Variants in PDZRN3 observed in about 807,000 individuals in gnomAD.
PDZRN3 encodes the protein PDZ domain containing ring finger 3.
PDZRN3 carries 38 observed loss-of-function variants against 85.7 expected under a neutral mutation model. The ratio of observed to expected loss-of-function variants is 0.44; its 90% CI spans 0.34 to 0.58. The LOEUF (loss-of-function observed/expected upper bound fraction) is 0.58, where lower values mean the gene tolerates loss of function less well. PDZRN3 is among the 20% of genes least tolerant of loss of function. The pLI, the probability that PDZRN3 is intolerant of heterozygous loss-of-function variation, is 0.01. For synonymous variants in PDZRN3, 759 were observed against 638.0 expected, an observed-to-expected ratio of 1.19 and a Z score of -2.86; for missense variants, 1,629 against 1,506.4, an observed-to-expected ratio of 1.08 and a Z score of -1.35.
chr3:73,570,495 C>T (rs1702029949), intron 3 of PDZRN3, among the ~76,000 whole-genome samples: 1 of 152,112 alleles, frequency 6.6e-6, no homozygotes, highest in Admixed American at 6.5e-5. Flanking sequence ...CTGACATATC[C>T]CCAGATATGT....
intron 4 of PDZRN3, among the ~76,000 whole-genome samples, chr3:73,402,897 T>G (rs1245911892): frequency 1.3e-5 from 2 of 150,228 alleles, no homozygotes; most frequent in Non-Finnish European, 3.0e-5. Flanking sequence ...TAACATCAGC[T>G]GGAGAGGCTG....
intron 3 of PDZRN3, among the ~76,000 whole-genome samples, chr3:73,501,411 G>A (rs1382635707): frequency 1.3e-5 from 2 of 152,082 alleles, no homozygotes. Flanking sequence ...CTCTCCAACA[G>A]GGCACATCCA....
chr3:73,499,492 A>G (rs1703933509), intron 3 of PDZRN3, among the ~76,000 whole-genome samples: 1 of 152,114 alleles, frequency 6.6e-6, no homozygotes, highest in Admixed American at 6.5e-5. Flanking sequence ...CACCTAAAAC[A>G]TATCTGAGGC....
intron 3 of PDZRN3, among the ~76,000 whole-genome samples, chr3:73,535,082 G>T (rs1704745079): frequency 6.6e-6 from 1 of 152,020 alleles, no homozygotes; most frequent in African/African-American, 2.4e-5. Context: ...CATCACCTGG[G>T]TCTGCCGTGT....
chr3:73,513,140 A>G (rs913823949), intron 3 of PDZRN3, among the ~76,000 whole-genome samples: 5 of 152,176 alleles, frequency 3.3e-5, no homozygotes, highest in Non-Finnish European at 7.3e-5. Flanking sequence ...ACGGACCTCC[A>G]AAGTCGAAAA....
chr3:73,427,044 A>C (rs1464883071), intron 3 of PDZRN3, among the ~76,000 whole-genome samples: 2 of 152,220 alleles, frequency 1.3e-5, no homozygotes, highest in African/African-American at 4.8e-5. Context: ...AATATCATCA[A>C]ATGTATTTGG....
intron 3 of PDZRN3, among the ~76,000 whole-genome samples, chr3:73,463,971 T>G (rs983063125): frequency 1.2e-4 from 18 of 151,840 alleles, no homozygotes; most frequent in Admixed American, 4.6e-4. Flanking sequence ...GTGCTATGTA[T>G]TCTTTTTTAT....
intron 3 of PDZRN3, among the ~76,000 whole-genome samples, chr3:73,502,876 C>T (rs1243965195): frequency 6.6e-6 from 1 of 152,218 alleles, no homozygotes; most frequent in African/African-American, 2.4e-5. Flanking sequence ...CAGAGCACCA[C>T]CTGCTGGCTC....
chr3:73,389,323 AT>A (rs1178196533), intron 7 of PDZRN3, among the ~76,000 whole-genome samples: 1 of 152,124 alleles, frequency 6.6e-6, no homozygotes, highest in Non-Finnish European at 1.5e-5. Flanking sequence ...CGATTCCAGG[AT>A]GGTTAGATGT....
intron 3 of PDZRN3, among the ~76,000 whole-genome samples, chr3:73,432,744 T>G (rs1257186220): frequency 6.6e-6 from 1 of 152,218 alleles, no homozygotes; most frequent in Admixed American, 6.5e-5. Context: ...ACACACACCC[T>G]TTGTTTCTCA....
chr3:73,534,634 G>A (rs1704733685), intron 3 of PDZRN3, among the ~76,000 whole-genome samples: 1 of 152,144 alleles, frequency 6.6e-6, no homozygotes, highest in Non-Finnish European at 1.5e-5. Flanking sequence ...GGAGTCTGTG[G>A]GCCAGCAGGA....
chr3:73,385,052 G>T, intron 9 of PDZRN3, 122 bp from the exon 10 acceptor site: 1 of 1,133,562 alleles, frequency 8.8e-7, no homozygotes, highest in Non-Finnish European at 1.2e-6. Flanking sequence ...CCAAGGGACA[G>T]CATCTGACAG....
chr3:73,534,333 T>G (rs1704728230), intron 3 of PDZRN3, among the ~76,000 whole-genome samples: 1 of 152,230 alleles, frequency 6.6e-6, no homozygotes, highest in East Asian at 1.9e-4. Context: ...GCTACGCTAA[T>G]TCCATTGGCA....
intron 3 of PDZRN3, among the ~76,000 whole-genome samples, chr3:73,593,497 C>T (rs1003534329): frequency 1.3e-5 from 2 of 152,100 alleles, no homozygotes; most frequent in African/African-American, 4.8e-5. Flanking sequence ...CAAAGAGAAG[C>T]ACCCAATATC....
chr3:73,453,424 C>CAAAAAAAAAAAAAAAAAAAAAAAAA (rs372949149), intron 3 of PDZRN3, among the ~76,000 whole-genome samples: 1 of 96,798 alleles, frequency 1.0e-5, no homozygotes, highest in Non-Finnish European at 1.9e-5. Context: ...AAAAAAAAAA[C>CAAAAAAAAAAAAAAAAAAAAAAAAA]AAAAAAAAAA....
chr3:73,500,140 T>C (rs1159128367), intron 3 of PDZRN3, among the ~76,000 whole-genome samples: 1 of 152,114 alleles, frequency 6.6e-6, no homozygotes, highest in Non-Finnish European at 1.5e-5. Context: ...ACCGCAGCCT[T>C]GATCTCATGG....
At chr3:73,477,367 C>T (rs1575679732) in intron 3 of PDZRN3, among the ~76,000 whole-genome samples, 1 of 152,180 alleles carries the variant, frequency 6.6e-6, no homozygotes, top group East Asian at 1.9e-4. Flanking sequence ...GATCCATCTT[C>T]TTAACTCAGA....
intron 3 of PDZRN3, among the ~76,000 whole-genome samples, chr3:73,471,071 G>A (rs1703329486): frequency 6.6e-6 from 1 of 152,090 alleles, no homozygotes; most frequent in South Asian, 2.1e-4. Context: ...TTTGGAAATA[G>A]GGTCTTTACA....
chr3:73,565,806 C>T (rs1381225936), intron 3 of PDZRN3, among the ~76,000 whole-genome samples: 1 of 52,562 alleles, frequency 1.9e-5, no homozygotes, highest in African/African-American at 5.1e-5. Flanking sequence ...CACACACACA[C>T]ACACACACAC....
Sources: gnomAD v4.1 joint callset for allele counts (sites outside exome capture counted in the v4.1 genomes callset) on GRCh38, gnomAD v4.1.1 for gene constraint, MANE v1.5 for transcripts, NCBI Gene and HGNC (gene_info 2026-07-23, HGNC 2026-07-21) for gene names.